The following CELF2 variants were observed in gnomAD, a reference collection of about 807,000 sequenced individuals.
The protein encoded by CELF2 is CUG triplet repeat RNA-binding protein 2.
CELF2 carries 8 observed loss-of-function variants against 62.6 expected under a neutral mutation model. That is an observed-to-expected ratio of 0.13 (90% confidence interval 0.07 to 0.23). The LOEUF (loss-of-function observed/expected upper bound fraction) is 0.23, where lower values mean the gene tolerates loss of function less well. CELF2 is among the 10% of genes least tolerant of loss of function. The probability of loss-of-function intolerance (pLI) is 1.00; values close to 1 mark genes in which losing one functional copy is unlikely to be tolerated. For missense variants in CELF2, 333 were observed against 671.0 expected, an observed-to-expected ratio of 0.50 and a Z score of 5.56; for synonymous variants, 258 against 250.0, an observed-to-expected ratio of 1.03 and a Z score of -0.30.
At chr10:11,232,024 G>A (rs1476394554) in intron 3 of CELF2, among the ~76,000 whole-genome samples, 1 of 151,738 alleles carries the variant, frequency 6.6e-6, no homozygotes, top group Non-Finnish European at 1.5e-5. Flanking sequence ...TAAGTTTTAG[G>A]GTACATGTGC....
the CELF2 span, among the ~76,000 whole-genome samples, chr10:10,468,856 C>T: frequency 5.1e-3 from 771 of 151,954 alleles, 9 homozygotes; most frequent in African/African-American, 0.018. Flanking sequence ...AAGCTTCATT[C>T]TAAATTTGAT....
At chr10:10,567,944 A>G in the CELF2 span, among the ~76,000 whole-genome samples, 10,948 of 152,164 alleles carry the variant, frequency 0.072, 1,313 homozygotes, top group African/African-American at 0.25. Flanking sequence ...TGATTAGGGT[A>G]CCCAGTGATT....
intron 1 of CELF2, chr10:11,071,522 A>T (rs909402242): frequency 1.0e-3 from 156 of 152,210 alleles, no homozygotes; most frequent in African/African-American, 3.5e-3. Context: ...AGTTGAAATA[A>T]ACTGCCTTTC....
At chr10:10,529,328 G>A in the CELF2 span, among the ~76,000 whole-genome samples, 2,752 of 152,256 alleles carry the variant, frequency 0.018, 80 homozygotes, top group African/African-American at 0.063. Flanking sequence ...AGCTTTCTGG[G>A]AGTAGATGAT....
chr10:11,192,823 G>A (rs928476659), intron 2 of CELF2, among the ~76,000 whole-genome samples: 1 of 152,128 alleles, frequency 6.6e-6, no homozygotes, highest in African/African-American at 2.4e-5. Flanking sequence ...CCACCCTCAG[G>A]AATTTGGATT....
chr10:10,728,283 A>T, the CELF2 span, among the ~76,000 whole-genome samples: 1 of 132,198 alleles, frequency 7.6e-6, no homozygotes, highest in South Asian at 2.4e-4. Flanking sequence ...TACTAAAATT[A>T]AAAAAAAAAA....
chr10:11,050,323 C>G (rs1328748033), intron 1 of CELF2, among the ~76,000 whole-genome samples: 1 of 152,182 alleles, frequency 6.6e-6, no homozygotes, highest in Non-Finnish European at 1.5e-5. Flanking sequence ...AAAGAAAATG[C>G]AACATTTAAA....
At position 10,913,117 on chromosome 10, in the gene CELF2, T is replaced by G. The variant is rs553090059; in HGVS notation, c.54-6847T>G. Among the ~76,000 whole-genome samples the G allele has an allele frequency of 2.0e-5, 3 of 152,258 alleles. No homozygotes were observed. The South Asian group carries it at 6.2e-4, about 32-fold the overall frequency. On this transcript the variant is annotated intron_variant, in intron 1 of 13. Transcript: ENST00000636488. Reference sequence around the variant, plus strand: ...TTGTATACAGACACACACACACACATTTTGATGTTTTAATCATGAGTGAAA... The same window carrying G: ...TTGTATACAGACACACACACACACAGTTTGATGTTTTAATCATGAGTGAAA...
At chr10:11,312,597 A>C (rs2094622207) in intron 9 of CELF2, among the ~76,000 whole-genome samples, 1 of 152,226 alleles carries the variant, frequency 6.6e-6, no homozygotes, top group South Asian at 2.1e-4. Flanking sequence ...AAGAGTAGGA[A>C]TACTATGCAT....
chr10:10,675,313 C>T, the CELF2 span, among the ~76,000 whole-genome samples: 1 of 152,084 alleles, frequency 6.6e-6, no homozygotes, highest in Admixed American at 6.6e-5. Flanking sequence ...TCACTTGACT[C>T]TTTTTTTGCT....
intron 1 of CELF2, among the ~76,000 whole-genome samples, chr10:11,078,454 A>G (rs568392423): frequency 2.0e-5 from 3 of 152,296 alleles, no homozygotes; most frequent in South Asian, 4.1e-4. Flanking sequence ...CCCAAGTCGA[A>G]ATAGTCCCTA....
At position 11,309,650 on chromosome 10, in the gene CELF2, C is replaced by G. The variant is rs2094458715; in HGVS notation, c.977-4489C>G. Among the ~76,000 whole-genome samples the G allele has an allele frequency of 6.6e-6, 1 of 152,134 alleles. No individual in the cohort carries two copies. ...CAGTCTGCTCTGACTGTGGCTGGGC[C>G]CTTTCGTAGGGGTGCTCTTTCGGCC... On this transcript the variant is annotated intron_variant, in intron 9 of 12. Coordinates refer to ENST00000633077, the MANE Select transcript of CELF2 (RefSeq NM_001326342.2). This position sits in a 1 kb window ranked among gnomAD's most constrained non-coding sequence, Gnocchi z 5.6.
At chr10:10,488,409 G>T in the CELF2 span, among the ~76,000 whole-genome samples, 1 of 152,126 alleles carries the variant, frequency 6.6e-6, no homozygotes. Context: ...GGAAATACTT[G>T]CCTGATAGAC....
the CELF2 span, among the ~76,000 whole-genome samples, chr10:10,602,561 G>T: frequency 3.3e-5 from 5 of 152,242 alleles, no homozygotes; most frequent in African/African-American, 1.2e-4. Flanking sequence ...TCATTTCACG[G>T]ATACTCACTG....
chr10:10,597,841 T>C, the CELF2 span, among the ~76,000 whole-genome samples: 4 of 152,200 alleles, frequency 2.6e-5, no homozygotes, highest in Admixed American at 6.5e-5. Flanking sequence ...ATTTGTCCAG[T>C]TAAATATTTT....
In CELF2 at chr10:10,941,052, C is replaced by A. The variant is rs185905548; in HGVS notation, c.89+21053C>A. On this transcript the variant is annotated intron_variant, in intron 2 of 13. Coordinates refer to the CELF2 transcript ENST00000636488. ...GGGGTCCTGAGTGATGTTGTTCTAG[C>A]GAAACAACACCAGAGGAAAAGGGGG... Among the ~76,000 whole-genome samples, 4 of 152,010 alleles carry A rather than the reference C, an allele frequency of 2.6e-5. No homozygotes were observed. The East Asian group carries it at 7.7e-4, about 29-fold the overall frequency.
At chr10:10,948,621 A>T (rs2047958748) in intron 2 of CELF2, among the ~76,000 whole-genome samples, 1 of 152,156 alleles carries the variant, frequency 6.6e-6, no homozygotes, top group African/African-American at 2.4e-5. Context: ...AGCCAAGGCT[A>T]CATGAAGCCC....
chr10:11,146,649 G>C (rs1430788261), intron 1 of CELF2, among the ~76,000 whole-genome samples: 1 of 152,180 alleles, frequency 6.6e-6, no homozygotes, highest in South Asian at 2.1e-4. Flanking sequence ...CATGTGCTCT[G>C]TCGGTGATTT....
chr10:11,032,644 A>T (rs1361654476), intron 1 of CELF2, among the ~76,000 whole-genome samples: 3 of 151,718 alleles, frequency 2.0e-5, no homozygotes, highest in South Asian at 2.1e-4. Context: ...CGATGTTGTA[A>T]CTCACTTTCC....
Sources: gnomAD v4.1 joint callset for allele counts (sites outside exome capture counted in the v4.1 genomes callset) on GRCh38, gnomAD v4.1.1 for gene constraint, Gnocchi (gnomAD v3.1) non-coding constraint, MANE v1.5 for transcripts, NCBI Gene and HGNC (gene_info 2026-07-23, HGNC 2026-07-21) for gene names.